The following ZNF76 variants were observed in gnomAD, a reference collection of about 807,000 sequenced individuals.
The protein encoded by ZNF76 is zinc finger protein 523.
In ZNF76, 66 loss-of-function variants were observed where a neutral mutation model predicts 66.9. The ratio of observed to expected loss-of-function variants is 0.99; its 90% CI spans 0.81 to 1.21. The LOEUF (loss-of-function observed/expected upper bound fraction) is 1.21. ZNF76 is among the 50% of genes most tolerant of loss of function. ZNF76 has a pLI of 0.00. For missense variants in ZNF76, 729 were observed against 760.3 expected, an observed-to-expected ratio of 0.96 and a Z score of 0.48; for synonymous variants, 275 against 296.1, an observed-to-expected ratio of 0.93 and a Z score of 0.73.
At chr6:35,294,431 T>C (rs763702611) in intron 12 of ZNF76, 25 bp from the exon 13 acceptor site, 2 of 1,520,400 alleles carry the variant, frequency 1.3e-6, no homozygotes, top group South Asian at 2.2e-5. Flanking sequence ...GCAGGTGGAA[T>C]GGAAGACCTC....
intron 1 of ZNF76, among the ~76,000 whole-genome samples, chr6:35,270,757 C>T (rs1200929911): frequency 1.3e-5 from 2 of 152,128 alleles, no homozygotes; most frequent in African/African-American, 4.8e-5. Flanking sequence ...TGGGGTTTCA[C>T]CATGTTGGCC....
intron 1 of ZNF76, among the ~76,000 whole-genome samples, chr6:35,262,145 A>G (rs1785346123): frequency 6.6e-6 from 1 of 152,128 alleles, no homozygotes; most frequent in Non-Finnish European, 1.5e-5. Flanking sequence ...TCAAATAGTA[A>G]TAAACTGGGA....
At chr6:35,286,780 G>A (rs114389319) in intron 4 of ZNF76, 4,479 of 300,864 alleles carry the variant, frequency 0.015, 51 homozygotes, top group Non-Finnish European at 0.019. Context: ...TATTCCTTCC[G>A]CAGGTGGTTT....
chr6:35,278,842 G>A (rs1302622168), intron 1 of ZNF76, among the ~76,000 whole-genome samples: 3 of 152,190 alleles, frequency 2.0e-5, no homozygotes, highest in African/African-American at 7.2e-5. Context: ...AGGGACCCAG[G>A]GAGTCACTCA....
intron 11 of ZNF76, among the ~76,000 whole-genome samples, chr6:35,293,527 A>G (rs1790745864): frequency 1.3e-5 from 2 of 152,218 alleles, no homozygotes; most frequent in African/African-American, 2.4e-5. Context: ...AACAGGGCCC[A>G]GAGGCAAAGT....
chr6:35,294,724 T>C (rs1790935680), intron 13 of ZNF76, 155 bp downstream of exon 13: 2 of 695,376 alleles, frequency 2.9e-6, no homozygotes, highest in African/African-American at 1.8e-5. Flanking sequence ...TCCATGCATC[T>C]GTCTCAGGCT....
Position 35,286,692 on chromosome 6 carries a change from C to T in ZNF76, c.232+293C>T. 4.0e-6 allele frequency: 2 copies of T among 497,506 alleles called. 1 individual carries two copies. Among genetic ancestry groups the T allele is most frequent in the South Asian group, 5.5e-5 (2 of 36,260 alleles). 30.8% of individuals were successfully genotyped at this position (497,506 alleles called of 1,614,324 possible). On this transcript the variant is annotated intron_variant, in intron 4 of 13. Coordinates refer to ENST00000373953, the MANE Select transcript of ZNF76 (RefSeq NM_003427.5). ...AAAGTCTTAGGGCTTTAAATAGGAC[C>T]CGAGGATATCATCCAAGACCAGGAA...
chr6:35,287,625 C>G lies in ZNF76; in HGVS notation c.233-21C>G. 6.3e-7 allele frequency: 1 copy of G among 1,587,696 alleles called. No individual in the cohort carries two copies. The highest frequency in any genetic ancestry group is 8.6e-7 in the Non-Finnish European group (1 of 1,165,480). ...CTCTTCCCCTTGTGTGGCATCAGGG[C>G]TAACCGCGTGTTCCCTGCAGAAGGC... On this transcript the variant is annotated intron_variant, in intron 4 of 13. Transcript: ENST00000373953. This position sits in a 1 kb window ranked among gnomAD's most constrained non-coding sequence, Gnocchi z 4.0.
rs1461139652 is a variant in ZNF76 at position 35,292,072 on chromosome 6, A to G, written c.931+335A>G. On this transcript the variant is annotated intron_variant, in intron 9 of 13. Coordinates refer to ENST00000373953, the MANE Select transcript of ZNF76 (RefSeq NM_003427.5). The surrounding 1 kb of genome is among the most constrained non-coding windows in gnomAD (Gnocchi z 4.7). ...GAATGATGGGGAAGAAGCAGAGTGA[A>G]CTGTCACCTTCAACTCCTCACCTTA... 4.4e-6 allele frequency: 2 copies of G among 455,616 alleles called. No homozygotes were observed. The highest frequency in any genetic ancestry group is 3.9e-5 in the African/African-American group (2 of 50,748). 28.2% of individuals were successfully genotyped at this position (455,616 alleles called of 1,614,324 possible).
At chr6:35,284,623 A>G (rs1789273502) in intron 2 of ZNF76, among the ~76,000 whole-genome samples, 1 of 150,332 alleles carries the variant, frequency 6.7e-6, no homozygotes, top group East Asian at 1.9e-4. Flanking sequence ...CTGGTCTCAA[A>G]CTCCTGACCT....
chr6:35,291,404 G>C lies in ZNF76; in HGVS notation c.751+1G>C, dbSNP rs767335084. On this transcript the variant is annotated splice_donor_variant, in intron 8 of 13. Transcript: ENST00000373953. LOFTEE classifies it high-confidence loss of function. ...CAGAAGCATGTCCGTACCCACACTG[G>C]TATGCTGGGCCCTGCCCACTCCAAC... 1 of 1,614,138 alleles carries C rather than the reference G, an allele frequency of 6.2e-7. No individual in the cohort carries two copies. The highest frequency in any genetic ancestry group is 8.5e-7 in the Non-Finnish European group (1 of 1,180,020).
Position 35,286,097 on chromosome 6 carries a change from G to T in ZNF76, c.74-31G>T, listed in dbSNP as rs376835933. ...GTTTCTTAGCCCTCTTCTGGTCCTG[G>T]CCCATTTCTCTCTATTTCCACTCTT... is the stretch of plus-strand genomic sequence containing the variant. On this transcript the variant is annotated intron_variant, in intron 2 of 13. Transcript: ENST00000373953. 1.5e-4 allele frequency: 247 copies of T among 1,607,848 alleles called. 1 individual carries two copies. The African/African-American group carries it at 1.6e-3, about 11-fold the overall frequency.
At chr6:35,295,065 T>C in intron 13 of ZNF76, 79 bp from the exon 14 acceptor site, 1 of 1,121,608 alleles carries the variant, frequency 8.9e-7, no homozygotes, top group Non-Finnish European at 1.3e-6. Flanking sequence ...AAAAAAAAAG[T>C]AGGCCACATA....
At chr6:35,269,299 AAAAAT>A in intron 1 of ZNF76, among the ~76,000 whole-genome samples, 1 of 151,544 alleles carries the variant, frequency 6.6e-6, no homozygotes, top group Admixed American at 6.6e-5. Context: ...AAAAAAAAAA[AAAAAT>A]GTATGAGGCG....
chr6:35,292,451 C>T lies in ZNF76; in HGVS notation c.932-103C>T, dbSNP rs1254811807. 2 of 1,197,438 alleles carry T rather than the reference C, an allele frequency of 1.7e-6. No individual in the cohort carries two copies. The highest frequency in any genetic ancestry group is 5.0e-5 in the East Asian group (2 of 40,278). 74.2% of individuals were successfully genotyped at this position (1,197,438 alleles called of 1,614,324 possible). On this transcript the variant is annotated intron_variant, in intron 9 of 13. Transcript: ENST00000373953. This position sits in a 1 kb window ranked among gnomAD's most constrained non-coding sequence, Gnocchi z 4.7. The stretch of plus-strand genomic sequence containing the variant: ...GTCTCAGGTCTCAGTCCCTCTCCCT[C>T]CCTCTGGCTCTCCCTTCACCAACCC...
chr6:35,291,399 C>T lies in ZNF76; in HGVS notation c.747C>T (p.His249=), dbSNP rs1431374337. The change falls in exon 8 of 14, where the codon CAC becomes CAT. Residue 249 remains histidine, a synonymous_variant. Coordinates refer to ENST00000373953, the MANE Select transcript of ZNF76 (RefSeq NM_003427.5). ...SGDLQKHVRT[H]TGERPFQCPF... Reference sequence around the variant, plus strand: ...ACCTGCAGAAGCATGTCCGTACCCACACTGGTATGCTGGGCCCTGCCCACT... The same window carrying T: ...ACCTGCAGAAGCATGTCCGTACCCATACTGGTATGCTGGGCCCTGCCCACT... The T allele has an allele frequency of 1.2e-6, 2 of 1,614,056 alleles. No individual in the cohort carries two copies. Among genetic ancestry groups the T allele is most frequent in the Non-Finnish European group, 1.7e-6 (2 of 1,180,032 alleles).
intron 5 of ZNF76, 121 bp from the exon 6 acceptor site, chr6:35,290,145 C>G (rs1790150061): frequency 7.7e-7 from 1 of 1,302,792 alleles, no homozygotes; most frequent in Non-Finnish European, 1.1e-6. Context: ...TGTTCTTCTG[C>G]CCCAGAGGCC....
Position 35,295,427 on chromosome 6 carries a change from G to A in ZNF76, c.*179G>A. On this transcript the variant is annotated 3_prime_UTR_variant, in exon 14 of 14. Transcript: ENST00000373953. ...GAATGGGGGCCCTGCTCAAGAAGGGGGCCAGGCAGCTGGAATCAGGGGAGT... is the reference window on the plus strand; with the variant it reads ...GAATGGGGGCCCTGCTCAAGAAGGGAGCCAGGCAGCTGGAATCAGGGGAGT... 1 of 661,822 alleles carries A rather than the reference G, an allele frequency of 1.5e-6. No homozygotes were observed. The highest frequency in any genetic ancestry group is 2.8e-6 in the Non-Finnish European group (1 of 362,342). The allele number at this position is 661,822 out of a possible 1,614,324, so 41.0% of individuals were successfully genotyped here.
intron 1 of ZNF76, among the ~76,000 whole-genome samples, chr6:35,262,272 T>C (rs1427334860): frequency 6.6e-6 from 1 of 152,086 alleles, no homozygotes; most frequent in Non-Finnish European, 1.5e-5. Context: ...GAGGGTATTA[T>C]GACCTGCTTC....
Sources: allele counts gnomAD v4.1 joint callset (sites outside exome capture counted in the v4.1 genomes callset), GRCh38; gene constraint gnomAD v4.1.1; non-coding constraint Gnocchi (gnomAD v3.1); transcripts MANE v1.5; gene names NCBI Gene and HGNC (gene_info 2026-07-23, HGNC 2026-07-21).